The following CSMD1 variants were observed in gnomAD, a reference collection of about 807,000 sequenced individuals.
CSMD1 encodes CUB and Sushi multiple domains 1.
CSMD1 carries 213 observed loss-of-function variants against 417.5 expected under a neutral mutation model. The ratio of observed to expected loss-of-function variants is 0.51; its 90% CI spans 0.46 to 0.57. The LOEUF (loss-of-function observed/expected upper bound fraction) is 0.57, where lower values mean the gene tolerates loss of function less well. CSMD1 is among the 20% of genes least tolerant of loss of function. The pLI, the probability that CSMD1 is intolerant of heterozygous loss-of-function variation, is 0.00. For synonymous variants in CSMD1, 2,862 were observed against 1,736.8 expected (o/e 1.65, Z -16.11); for missense variants, 6,923 against 4,529.7 (o/e 1.53, Z -15.17).
chr8:3,699,948 TTATATCCCATAACTACATCCCTG>T (rs1800762102), intron 7 of CSMD1, among the ~76,000 whole-genome samples: 1 of 151,438 alleles, frequency 6.6e-6, no homozygotes, highest in African/African-American at 2.4e-5. Flanking sequence ...CATCCCTGGG[TTATATCCCATAACTACATCCCTG>T]GGTTATTCAA....
At chr8:4,796,801 C>T (rs1281433322) in intron 1 of CSMD1, among the ~76,000 whole-genome samples, 1 of 152,130 alleles carries the variant, frequency 6.6e-6, no homozygotes, top group Non-Finnish European at 1.5e-5. Flanking sequence ...GAGTAAATTC[C>T]CCTTTGCATG....
At position 3,359,634 on chromosome 8, in the gene CSMD1, A is replaced by C. The variant is rs373091008; in HGVS notation, c.3116-294T>G. On this transcript the variant is annotated intron_variant, in intron 20 of 69. Transcript: ENST00000635120. ...GGGAAGGATAAAGTGATGTTGGTCA[A>C]TGGATACAAGGATACAGTTAGAAGG... is the stretch of plus-strand genomic sequence containing the variant. Among the ~76,000 whole-genome samples, 50 of 152,162 alleles carry C rather than the reference A, an allele frequency of 3.3e-4. No individual in the cohort carries two copies. In the South Asian group the frequency reaches 8.5e-3, roughly 26 times the overall value.
chr8:4,069,462 G>A (rs1000720617), intron 3 of CSMD1, among the ~76,000 whole-genome samples: 14 of 152,058 alleles, frequency 9.2e-5, no homozygotes, highest in Admixed American at 2.0e-4. Context: ...TTTGTCTTTC[G>A]CAGGATATTA....
chr8:4,929,071 AAAC>A (rs1202228520), intron 1 of CSMD1, among the ~76,000 whole-genome samples: 3 of 152,148 alleles, frequency 2.0e-5, no homozygotes, highest in Admixed American at 1.3e-4. Flanking sequence ...CACTCTATCT[AAAC>A]AACAACAAAA....
chr8:4,573,173 T>A (rs1165615222), intron 2 of CSMD1, among the ~76,000 whole-genome samples: 1 of 152,166 alleles, frequency 6.6e-6, no homozygotes, highest in Non-Finnish European at 1.5e-5. Flanking sequence ...GGCAAGGAGT[T>A]GTGATCCTTT....
chr8:2,966,749 G>A lies in CSMD1; in HGVS notation c.8924-3C>T, dbSNP rs757446974. 1 of 1,612,462 alleles carries A rather than the reference G, an allele frequency of 6.2e-7. No individual in the cohort carries two copies. Among genetic ancestry groups the A allele is most frequent in the Non-Finnish European group, 8.5e-7 (1 of 1,179,260 alleles). ...GCCAGGGTTGCCACAGGACACGGCT[G>A]TTAGGCAAACAAGAACACCACCACA... On this transcript the variant is annotated splice_region_variant and splice_polypyrimidine_tract_variant and intron_variant, in intron 57 of 69. Coordinates refer to ENST00000635120, the MANE Select transcript of CSMD1 (RefSeq NM_033225.6).
intron 10 of CSMD1, among the ~76,000 whole-genome samples, chr8:3,571,553 A>ATC (rs59503318): frequency 0.037 from 5,580 of 151,996 alleles, 279 homozygotes; most frequent in Admixed American, 0.14. Context: ...CCACGGCGTC[A>ATC]TCTCTCTCTC....
At chr8:2,989,662 T>A (rs1806209355) in intron 54 of CSMD1, among the ~76,000 whole-genome samples, 1 of 152,174 alleles carries the variant, frequency 6.6e-6, no homozygotes, top group East Asian at 1.9e-4. Context: ...GTATCTGGGA[T>A]ACAGAGAATG....
chr8:3,911,996 T>G (rs1808495146), intron 5 of CSMD1, among the ~76,000 whole-genome samples: 1 of 152,180 alleles, frequency 6.6e-6, no homozygotes, highest in South Asian at 2.1e-4. Context: ...ATAAAAATAG[T>G]TCAAAGGATC....
At chr8:4,325,739 C>A (rs1240106527) in intron 3 of CSMD1, among the ~76,000 whole-genome samples, 2 of 152,028 alleles carry the variant, frequency 1.3e-5, no homozygotes, top group South Asian at 4.1e-4. Flanking sequence ...ACTGAGAAGG[C>A]GTGAATGTTA....
intron 1 of CSMD1, among the ~76,000 whole-genome samples, chr8:4,754,410 G>A (rs1353111086): frequency 6.6e-6 from 1 of 152,034 alleles, no homozygotes; most frequent in Non-Finnish European, 1.5e-5. Flanking sequence ...TATCCCAACT[G>A]GGTCACATAC....
chr8:3,457,905 G>A (rs1336801363), intron 12 of CSMD1, among the ~76,000 whole-genome samples: 3 of 152,098 alleles, frequency 2.0e-5, no homozygotes, highest in African/African-American at 7.2e-5. Context: ...AAATGAGGAA[G>A]GCAGCCATAT....
At chr8:3,289,301 C>T (rs564282565) in intron 25 of CSMD1, among the ~76,000 whole-genome samples, 6,403 of 146,998 alleles carry the variant, frequency 0.044, 1,386 homozygotes, top group African/African-American at 0.16. Context: ...GTGCATGTGT[C>T]TTTATAGCAG....
rs558710464 is a variant in CSMD1 at position 4,052,982 on chromosome 8, T to A, written c.416-20883A>T. On this transcript the variant is annotated intron_variant, in intron 3 of 69. Transcript: ENST00000635120. ...ATGGACCCAGAACCTGAGGGCCCCC[T>A]TACTCTCAGCTAAAGAAGTGGCCTT... Among the ~76,000 whole-genome samples, 5 of 152,262 alleles carry A rather than the reference T, an allele frequency of 3.3e-5. No homozygotes were observed. In the East Asian group the frequency reaches 7.8e-4, roughly 24 times the overall value.
At chr8:3,942,914 T>C (rs968047284) in intron 5 of CSMD1, among the ~76,000 whole-genome samples, 1 of 152,148 alleles carries the variant, frequency 6.6e-6, no homozygotes, top group African/African-American at 2.4e-5. Flanking sequence ...CTTTTTTTTG[T>C]CTTTTAATTT....
intron 11 of CSMD1, among the ~76,000 whole-genome samples, chr8:3,477,647 C>A (rs921940004): frequency 2.0e-5 from 3 of 152,082 alleles, no homozygotes; most frequent in Admixed American, 1.3e-4. Flanking sequence ...GCAAAGCAGC[C>A]AGGGGCAGAG....
intron 12 of CSMD1, among the ~76,000 whole-genome samples, chr8:3,437,331 C>G (rs1314106215): frequency 6.6e-6 from 1 of 152,188 alleles, no homozygotes; most frequent in Admixed American, 6.5e-5. Context: ...TTATTGGCCT[C>G]AACTCGGGAA....
At chr8:3,812,466 C>T (rs191123652) in intron 5 of CSMD1, among the ~76,000 whole-genome samples, 3 of 152,114 alleles carry the variant, frequency 2.0e-5, no homozygotes, top group African/African-American at 2.4e-5. Flanking sequence ...AAATAAGACA[C>T]GATCCCCTTG....
chr8:4,006,982 C>A (rs113755834), intron 4 of CSMD1, among the ~76,000 whole-genome samples: 24 of 152,034 alleles, frequency 1.6e-4, no homozygotes, highest in African/African-American at 5.5e-4. Flanking sequence ...CACACACCAC[C>A]ACACCCGGCT....
Sources: gnomAD v4.1 joint callset for allele counts (sites outside exome capture counted in the v4.1 genomes callset) on GRCh38, gnomAD v4.1.1 for gene constraint, MANE v1.5 for transcripts, NCBI Gene and HGNC (gene_info 2026-07-23, HGNC 2026-07-21) for gene names.